Variants in MUC12 observed in about 807,000 individuals in gnomAD.
The protein encoded by MUC12 is mucin-12.
In MUC12, 172 loss-of-function variants were observed where a neutral mutation model predicts 230.8. That is an observed-to-expected ratio of 0.75 (90% CI 0.66 to 0.85). MUC12 has a LOEUF of 0.85. Among genes scored for constraint, MUC12 ranks in the 40% least tolerant of loss-of-function variants. The probability of loss-of-function intolerance (pLI) is 0.00; values close to 1 mark genes in which losing one functional copy is unlikely to be tolerated. For synonymous variants in MUC12, 1,259 were observed against 2,401.9 expected, an observed-to-expected ratio of 0.52 and a Z score of 13.91; for missense variants, 3,506 against 5,920.6, an observed-to-expected ratio of 0.59 and a Z score of 13.38.
At chr7:100,985,634 T>C (rs1014356650) in intron 1 of MUC12, among the ~76,000 whole-genome samples, 2 of 152,154 alleles carry the variant, frequency 1.3e-5, no homozygotes, top group African/African-American at 4.8e-5. Context: ...GTGAGATCTC[T>C]TTCACTGTCT....
chr7:101,006,372 T>C (rs1793750754), intron 2 of MUC12, 99 bp from the exon 3 acceptor site: 2 of 777,206 alleles, frequency 2.6e-6, no homozygotes, highest in Non-Finnish European at 4.4e-6. Context: ...ATCGTCCTGC[T>C]CTCCAGTGCG....
chr7:100,973,628 A>G (rs889375093), intron 1 of MUC12, among the ~76,000 whole-genome samples: 7 of 152,052 alleles, frequency 4.6e-5, no homozygotes, highest in Non-Finnish European at 7.4e-5. Context: ...CCATCCTCCC[A>G]CCTCAACTTC....
intron 2 of MUC12, among the ~76,000 whole-genome samples, chr7:101,005,800 ATTT>A (rs58353499): frequency 0.47 from 68,613 of 146,526 alleles, 15,977 homozygotes; most frequent in East Asian, 0.6. Flanking sequence ...TCTTCTCTGG[ATTT>A]TTTTTTTTTT....
intron 3 of MUC12, among the ~76,000 whole-genome samples, chr7:101,008,244 A>C (rs182786769): frequency 6.6e-6 from 1 of 152,230 alleles, no homozygotes; most frequent in Non-Finnish European, 1.5e-5. Context: ...CTCTGGCCTC[A>C]GCCTTCCGAG....
rs563935886 is a variant in MUC12 at position 100,995,569 on chromosome 7, C to T, written c.5006C>T (p.Ser1669Leu). 406 of 1,536,574 alleles carry T rather than the reference C, an allele frequency of 2.6e-4. 1 individual carries two copies. The highest frequency in any genetic ancestry group is 5.7e-4 in the Admixed American group (29 of 50,952). Residue 1669 changes from serine to leucine, a missense_variant, in exon 2 of 12, where the codon TCG (serine) becomes TTG (leucine). Coordinates refer to ENST00000536621, the MANE Select transcript of MUC12 (RefSeq NM_001164462.2). ...ACGCCCGTCCACAGCAGCACTGGAT[C>T]GCCACACACAACACTGTCCCCTGCC... ...ASTPVHSSTGSPHTTLSPAGS... is the reference protein window; with the variant it reads ...ASTPVHSSTGLPHTTLSPAGS...
chr7:101,007,060 G>A (rs2116348559), intron 3 of MUC12, among the ~76,000 whole-genome samples: 1 of 152,270 alleles, frequency 6.6e-6, no homozygotes, highest in East Asian at 1.9e-4. Context: ...CTGGGTTCAG[G>A]TGATTCTCCT....
rs770191695 is a variant in MUC12 at position 101,002,799 on chromosome 7, C to G, written c.12236C>G (p.Thr4079Ser). Residue 4079 changes from threonine (T) to serine (S), a missense_variant, in exon 2 of 12, where the codon ACT (threonine) becomes AGT (serine). Transcript: ENST00000536621. Reference protein sequence around the residue: ...TSTGLQEESTTFQSWPSSSDT... With the variant: ...TSTGLQEESTSFQSWPSSSDT... ...ACTGGCCTTCAGGAAGAATCTACCA[C>G]TTTCCAGAGCTGGCCAAGCTCAAGT... The G allele has an allele frequency of 5.1e-6, 6 of 1,178,522 alleles. No individual in the cohort carries two copies. In the East Asian group the frequency reaches 8.1e-5, roughly 16 times the overall value. The allele number at this position is 1,178,522 out of a possible 1,614,324, so 73.0% of individuals were successfully genotyped here. A position where few individuals can be genotyped will look rare whatever the true frequency, so the allele number is the denominator to read the frequency against.
At chr7:101,017,449 C>G (rs544603106) in intron 10 of MUC12, 126 bp from the exon 11 acceptor site, 2 of 641,038 alleles carry the variant, frequency 3.1e-6, no homozygotes, top group Non-Finnish European at 5.4e-6. Context: ...GAGGGGTGGT[C>G]GGCAGTGGGA....
chr7:101,016,230 C>CA (rs1043409367), intron 10 of MUC12, among the ~76,000 whole-genome samples: 2 of 151,806 alleles, frequency 1.3e-5, no homozygotes, highest in Admixed American at 6.6e-5. Context: ...GAAGGCAGGT[C>CA]AATCTCACAA....
chr7:100,992,932 T>C lies in MUC12; in HGVS notation c.2369T>C (p.Val790Ala). ...CTACCTGCCCGCTCCACAACCTCAG[T>C]TCTTCTTGGAGAATCTACGACCTCA... ...IVLPARSTTSVLLGESTTSPI... is the reference protein window; with the variant it reads ...IVLPARSTTSALLGESTTSPI... Residue 790 changes from valine to alanine, a missense_variant, in exon 2 of 12, where the codon GTT becomes GCT. Physicochemically the swap from Val to Ala is moderately conservative, Grantham distance 64 (BLOSUM62 0). Transcript: ENST00000536621. The C allele has an allele frequency of 6.5e-7, 1 of 1,537,214 alleles. No homozygotes were observed. The highest frequency in any genetic ancestry group is 8.7e-7 in the Non-Finnish European group (1 of 1,146,922).
intron 9 of MUC12, chr7:101,015,391 G>A: frequency 3.6e-6 from 2 of 554,546 alleles, no homozygotes; most frequent in South Asian, 4.3e-5. Context: ...GGAAACTGAG[G>A]GCCACTAAAG....
chr7:101,015,769 G>GT (rs1233868680), intron 10 of MUC12, 78 bp downstream of exon 10: 5 of 1,284,902 alleles, frequency 3.9e-6, no homozygotes, highest in Non-Finnish European at 5.4e-6. Flanking sequence ...GCCTGTGGGG[G>GT]TGACGTGGGG....
rs1286340271 is a variant in MUC12, at chr7:101,004,846, C to A, written c.14283C>A (p.Ser4761Arg). ...CACCTGCCAGCATGACAAGCTCCAG[C>A]ATCAGTGGAGAACCCACCAGCTTGT... ...TLSPASMTSS[S>R]ISGEPTSLYS... The change falls in exon 2 of 12, where the codon AGC (serine) becomes AGA (arginine). Residue 4761 changes from serine to arginine, a missense_variant. Physicochemically the swap from Ser to Arg is moderately radical, Grantham distance 110. Transcript: ENST00000536621. 1 of 1,537,136 alleles carries A rather than the reference C, an allele frequency of 6.5e-7. No homozygotes were observed. The highest frequency in any genetic ancestry group is 2.4e-5 in the East Asian group (1 of 40,926).
chr7:100,971,755 C>T lies in MUC12; in HGVS notation c.67+2066C>T, dbSNP rs1357955839. Among the ~76,000 whole-genome samples, 7 of 152,420 alleles carry T rather than the reference C, an allele frequency of 4.6e-5. No individual in the cohort carries two copies. In the South Asian group the frequency reaches 1.0e-3, roughly 23 times the overall value. On this transcript the variant is annotated intron_variant, in intron 1 of 11. Coordinates refer to ENST00000536621, the MANE Select transcript of MUC12 (RefSeq NM_001164462.2). ...GATGGGTCTTAGGAGGGGTCCTCCC[C>T]ATCCCTGCTCCCAAGGCCTGGCCTA...
At position 100,993,425 on chromosome 7, in the gene MUC12, C is replaced by A; in HGVS notation, c.2862C>A (p.Thr954=). The A allele has an allele frequency of 9.7e-7, 1 of 1,028,686 alleles. No homozygotes were observed. Among genetic ancestry groups the A allele is most frequent in the Non-Finnish European group, 1.3e-6 (1 of 762,486 alleles). The allele number at this position is 1,028,686 out of a possible 1,614,324, so 63.7% of individuals were successfully genotyped here. Residue 954 remains threonine (T), a synonymous_variant, in exon 2 of 12, where the codon ACC becomes ACA. Coordinates refer to ENST00000536621, the MANE Select transcript of MUC12 (RefSeq NM_001164462.2). ...ACACAACACTCTTCCCTGACAGCAC[C>A]ACAAGCTCAGGCATCGTTGAAGCAT... ...STHTTLFPDS[T]TSSGIVEAST...
chr7:100,989,082 G>C (rs1793238035), intron 1 of MUC12, among the ~76,000 whole-genome samples: 1 of 148,774 alleles, frequency 6.7e-6, no homozygotes, highest in Non-Finnish European at 1.5e-5. Context: ...TCTCTGGTAT[G>C]TCTTCTTCCT....
rs868119002 is a variant in MUC12 at position 101,004,447 on chromosome 7, A to G, written c.13884A>G (p.Glu4628=). The change falls in exon 2 of 12, where the codon GAA becomes GAG. Residue 4628 remains glutamate, a synonymous_variant. Transcript: ENST00000536621. ...PESSTASGRS[E]ESRTSHSSTT... ...GCTCCACAGCTTCAGGTCGTAGTGA[A>G]GAATCAAGAACTTCCCACAGCAGCA... is the stretch of plus-strand genomic sequence containing the variant. The G allele has an allele frequency of 1.2e-5, 18 of 1,523,262 alleles. No individual in the cohort carries two copies. The highest frequency in any genetic ancestry group is 1.8e-4 in the Middle Eastern group (1 of 5,548). The allele number at this position is 1,523,262 out of a possible 1,614,324, so 94.4% of individuals were successfully genotyped here. A position where few individuals can be genotyped will look rare whatever the true frequency, so the allele number is the denominator to read the frequency against.
At chr7:101,007,302 T>G (rs950017159) in intron 3 of MUC12, among the ~76,000 whole-genome samples, 1 of 152,242 alleles carries the variant, frequency 6.6e-6, no homozygotes, top group Non-Finnish European at 1.5e-5. Flanking sequence ...TTATTGACTA[T>G]AGTCACTCTG....
At chr7:101,012,729 G>T in intron 6 of MUC12, 90 bp from the exon 7 acceptor site, 4 of 1,398,660 alleles carry the variant, frequency 2.9e-6, no homozygotes, top group Admixed American at 2.0e-5. Context: ...CCAGGGGAGG[G>T]CATGGTATAG....
Sources: gnomAD v4.1 joint callset for allele counts (sites outside exome capture counted in the v4.1 genomes callset) on GRCh38, gnomAD v4.1.1 for gene constraint, MANE v1.5 for transcripts, NCBI Gene and HGNC (gene_info 2026-07-23, HGNC 2026-07-21) for gene names.